Variants in BRINP2 observed in about 807,000 individuals in gnomAD.
BRINP2 encodes the protein BMP/retinoic acid-inducible neural-specific protein 2.
Under a neutral mutation model 69.2 loss-of-function variants are expected in BRINP2, and 21 were observed. The observed-to-expected ratio is 0.30, with a 90% CI of 0.22 to 0.44. The LOEUF (loss-of-function observed/expected upper bound fraction) is 0.44, where lower values mean the gene tolerates loss of function less well. BRINP2 is among the 20% of genes least tolerant of loss of function. BRINP2 has a pLI of 1.00. For synonymous variants in BRINP2, 380 were observed against 394.1 expected (o/e 0.96, Z 0.42); for missense variants, 877 against 986.0 (o/e 0.89, Z 1.48).
chr1:177,272,724 ATTGT>A (rs201066379), intron 4 of BRINP2, among the ~76,000 whole-genome samples: 1,618 of 152,330 alleles, frequency 0.011, 34 homozygotes, highest in African/African-American at 0.038. Flanking sequence ...TTGTTGATTG[ATTGT>A]TGGCAAAGAC....
chr1:177,254,126 A>G (rs1650672743), intron 2 of BRINP2, among the ~76,000 whole-genome samples: 1 of 152,168 alleles, frequency 6.6e-6, no homozygotes, highest in South Asian at 2.1e-4. Flanking sequence ...CATTCCAGTG[A>G]GGAGCAAAGC....
chr1:177,248,021 C>T (rs996247231), intron 2 of BRINP2, among the ~76,000 whole-genome samples: 1 of 152,036 alleles, frequency 6.6e-6, no homozygotes, highest in Non-Finnish European at 1.5e-5. Flanking sequence ...AAATGACAGC[C>T]CTATCTGTGG....
chr1:177,173,703 G>T (rs951474047), intron 1 of BRINP2, among the ~76,000 whole-genome samples: 45 of 152,304 alleles, frequency 3.0e-4, no homozygotes, highest in African/African-American at 1.0e-3. Context: ...AAAGGGCAAA[G>T]AACAACCCTG....
intron 1 of BRINP2, among the ~76,000 whole-genome samples, chr1:177,224,635 G>A (rs1310630857): frequency 6.6e-6 from 1 of 151,646 alleles, no homozygotes; most frequent in Non-Finnish European, 1.5e-5. Context: ...GATGCTGTGA[G>A]GTATAAATAC....
chr1:177,213,703 G>T (rs183134357), intron 1 of BRINP2, among the ~76,000 whole-genome samples: 1 of 152,264 alleles, frequency 6.6e-6, no homozygotes, highest in East Asian at 1.9e-4. Flanking sequence ...TCTTCTTGAT[G>T]TGACTTTGGT....
intron 1 of BRINP2, among the ~76,000 whole-genome samples, chr1:177,176,545 T>TATC (rs1648092963): frequency 6.7e-6 from 1 of 148,444 alleles, no homozygotes; most frequent in Non-Finnish European, 1.5e-5. Flanking sequence ...TTATTATTAT[T>TATC]ATTATTATTT....
At chr1:177,278,198 A>C (rs1432010545) in intron 6 of BRINP2, among the ~76,000 whole-genome samples, 2 of 151,988 alleles carry the variant, frequency 1.3e-5, no homozygotes, top group Non-Finnish European at 2.9e-5. Context: ...ATTGAAGAGG[A>C]TTGGCCTTGA....
chr1:177,233,671 G>T (rs1649930423), intron 2 of BRINP2, among the ~76,000 whole-genome samples: 1 of 152,124 alleles, frequency 6.6e-6, no homozygotes. Flanking sequence ...CTCAACTGAA[G>T]AATAATTGGA....
chr1:177,217,707 G>A (rs1649419194), intron 1 of BRINP2, among the ~76,000 whole-genome samples: 1 of 152,136 alleles, frequency 6.6e-6, no homozygotes, highest in Admixed American at 6.5e-5. Context: ...CATTCTGGAT[G>A]AGTAATGATC....
At chr1:177,233,240 T>C (rs547579194) in intron 2 of BRINP2, among the ~76,000 whole-genome samples, 1 of 152,316 alleles carries the variant, frequency 6.6e-6, no homozygotes, top group Non-Finnish European at 1.5e-5. Flanking sequence ...ACATAGGTGC[T>C]TAAGAGTGAA....
At chr1:177,177,294 AAAC>A (rs149219703) in intron 1 of BRINP2, among the ~76,000 whole-genome samples, 8,170 of 151,248 alleles carry the variant, frequency 0.054, 313 homozygotes, top group Non-Finnish European at 0.085. Context: ...ACAAACAAAC[AAAC>A]AACAACAACA....
intron 1 of BRINP2, among the ~76,000 whole-genome samples, chr1:177,187,042 G>T (rs975198763): frequency 1.3e-5 from 2 of 152,170 alleles, no homozygotes; most frequent in African/African-American, 4.8e-5. Context: ...ACTTAGAAAA[G>T]GTATGAGGAG....
At chr1:177,225,051 G>A (rs563186034) in intron 1 of BRINP2, among the ~76,000 whole-genome samples, 1 of 152,286 alleles carries the variant, frequency 6.6e-6, no homozygotes, top group Admixed American at 6.5e-5. Context: ...GACATGCCTA[G>A]CATAAATGGA....
At chr1:177,173,832 C>CA (rs1322076385) in intron 1 of BRINP2, among the ~76,000 whole-genome samples, 2 of 152,222 alleles carry the variant, frequency 1.3e-5, no homozygotes, top group African/African-American at 2.4e-5. Context: ...AACTCACAAA[C>CA]AAGAGGTAAT....
chr1:177,220,432 A>G (rs1027105092), intron 1 of BRINP2, among the ~76,000 whole-genome samples: 5 of 150,296 alleles, frequency 3.3e-5, no homozygotes, highest in African/African-American at 1.2e-4. Flanking sequence ...AGTGTGCAGT[A>G]CCTCCCCCAC....
At chr1:177,223,330 G>T (rs1312945426) in intron 1 of BRINP2, among the ~76,000 whole-genome samples, 10 of 152,174 alleles carry the variant, frequency 6.6e-5, no homozygotes, top group Admixed American at 3.9e-4. Context: ...CTGTACATGT[G>T]TGTGAGTGCT....
At chr1:177,235,974 GGAA>G (rs1416706107) in intron 2 of BRINP2, among the ~76,000 whole-genome samples, 1 of 152,160 alleles carries the variant, frequency 6.6e-6, no homozygotes, top group East Asian at 1.9e-4. Context: ...TTCTTGACGT[GGAA>G]GGAGATGAAG....
At chr1:177,250,876 G>A (rs1650559171) in intron 2 of BRINP2, among the ~76,000 whole-genome samples, 1 of 152,120 alleles carries the variant, frequency 6.6e-6, no homozygotes, top group African/African-American at 2.4e-5. Flanking sequence ...TTTAACTACT[G>A]AGCAAATTAA....
At chr1:177,248,410 G>C (rs1293974882) in intron 2 of BRINP2, among the ~76,000 whole-genome samples, 3 of 151,482 alleles carry the variant, frequency 2.0e-5, no homozygotes, top group Non-Finnish European at 4.4e-5. Flanking sequence ...TGTACTTCTA[G>C]ATTTCAGCTT....
Sources: allele counts gnomAD v4.1 joint callset (sites outside exome capture counted in the v4.1 genomes callset), GRCh38; gene constraint gnomAD v4.1.1; transcripts MANE v1.5; gene names NCBI Gene and HGNC (gene_info 2026-07-23, HGNC 2026-07-21).